The following CRYBG1 variants were observed in gnomAD, a reference collection of about 807,000 sequenced individuals.
CRYBG1 encodes the protein crystallin beta-gamma domain containing 1, also known as beta/gamma crystallin domain-containing protein 1.
CRYBG1 carries 139 observed loss-of-function variants against 189.2 expected under a neutral mutation model. The ratio of observed to expected loss-of-function variants is 0.73; its 90% confidence interval spans 0.64 to 0.85. CRYBG1 has a LOEUF of 0.85. Ranked by LOEUF, CRYBG1 falls within the 40% of genes least tolerant of loss-of-function variation. The probability of loss-of-function intolerance (pLI) is 0.00; values close to 1 mark genes in which losing one functional copy is unlikely to be tolerated. For synonymous variants in CRYBG1, 1,023 were observed against 1,017.1 expected, an observed-to-expected ratio of 1.01 and a Z score of -0.11; for missense variants, 2,611 against 2,675.8, an observed-to-expected ratio of 0.98 and a Z score of 0.53.
intron 11 of CRYBG1, 141 bp downstream of exon 11, chr6:106,543,738 C>A: frequency 1.0e-6 from 1 of 967,366 alleles, no homozygotes; most frequent in Non-Finnish European, 1.5e-6. Flanking sequence ...TCTCCTCAGC[C>A]TATAGTGACT....
chr6:106,496,536 G>A (rs1056514564), intron 2 of CRYBG1, among the ~76,000 whole-genome samples: 1 of 151,852 alleles, frequency 6.6e-6, no homozygotes, highest in African/African-American at 2.4e-5. Context: ...CTAGGTTTAA[G>A]AGCGTCATGA....
intron 2 of CRYBG1, among the ~76,000 whole-genome samples, chr6:106,475,906 C>T (rs1409918998): frequency 6.6e-6 from 1 of 152,056 alleles, no homozygotes; most frequent in Non-Finnish European, 1.5e-5. Context: ...CTTAAAACTC[C>T]GTCTAGTGGT....
rs1185798483 is a variant in CRYBG1 at position 106,551,920 on chromosome 6, G to GT, written c.5385dup (p.Glu1796Ter). ...ATACTGGATAAAGGATTTTATACCA[G>GT]TTTTGAGGACTGGGGAGGCAAAAAT... On this transcript the variant is annotated frameshift_variant, in exon 14 of 22. Coordinates refer to ENST00000633556, the MANE Select transcript of CRYBG1 (RefSeq NM_001371242.2). LOFTEE classifies it high-confidence loss of function. The GT allele has an allele frequency of 3.7e-6, 6 of 1,611,650 alleles. No individual in the cohort carries two copies. Among genetic ancestry groups the GT allele is most frequent in the Non-Finnish European group, 5.1e-6 (6 of 1,178,142 alleles).
chr6:106,482,586 T>A (rs188254582), intron 2 of CRYBG1, among the ~76,000 whole-genome samples: 5 of 152,002 alleles, frequency 3.3e-5, no homozygotes, highest in Admixed American at 1.3e-4. Context: ...CCATCCTGGC[T>A]AACACCGTGA....
At chr6:106,516,633 T>C (rs1391996218) in intron 3 of CRYBG1, among the ~76,000 whole-genome samples, 2 of 152,194 alleles carry the variant, frequency 1.3e-5, no homozygotes, top group African/African-American at 4.8e-5. Context: ...GCCTCTAAAG[T>C]CTATGTTATG....
intron 18 of CRYBG1, among the ~76,000 whole-genome samples, chr6:106,559,920 C>A (rs924334220): frequency 6.6e-6 from 1 of 151,964 alleles, no homozygotes; most frequent in East Asian, 1.9e-4. Context: ...CATGTTGAAA[C>A]CCTGTCTCTA....
At position 106,524,338 on chromosome 6, in the gene CRYBG1, G is replaced by A. The variant is rs140553163; in HGVS notation, c.4246-795G>A. 2.3e-3 allele frequency among the ~76,000 whole-genome samples: 352 copies of A among 152,094 alleles called. 1 individual carries two copies. The highest frequency in any genetic ancestry group is 7.6e-3 in the African/African-American group (317 of 41,506). ...AGCACTTTGGGAGGCTGAGGCAGGC[G>A]GATCACGAGGTCAAGAGATCGAGAC... On this transcript the variant is annotated intron_variant, in intron 4 of 21. Transcript: ENST00000633556.
At chr6:106,395,911 A>ACAAGCCC (rs1770597810) in intron 1 of CRYBG1, among the ~76,000 whole-genome samples, 3 of 152,324 alleles carry the variant, frequency 2.0e-5, no homozygotes, top group African/African-American at 7.2e-5. Context: ...TAGGCAAATG[A>ACAAGCCC]TAACACTTAG....
At chr6:106,522,405 C>T (rs867612716) in intron 4 of CRYBG1, among the ~76,000 whole-genome samples, 3 of 152,150 alleles carry the variant, frequency 2.0e-5, no homozygotes, top group South Asian at 2.1e-4. Flanking sequence ...TTCATTGGAT[C>T]TTTTCTTAAA....
At chr6:106,461,040 C>T (rs1340642277) in intron 2 of CRYBG1, among the ~76,000 whole-genome samples, 2 of 152,210 alleles carry the variant, frequency 1.3e-5, no homozygotes, top group Non-Finnish European at 2.9e-5. Flanking sequence ...CTGCCTCAGC[C>T]TCCCAAAGTG....
intron 17 of CRYBG1, among the ~76,000 whole-genome samples, chr6:106,556,440 G>A (rs905122854): frequency 3.3e-5 from 5 of 152,072 alleles, no homozygotes; most frequent in East Asian, 1.9e-4. Flanking sequence ...TCTACCTTTG[G>A]TTGTTATTAT....
At chr6:106,420,738 A>C (rs938277625) in intron 1 of CRYBG1, 1 of 153,108 alleles carries the variant, frequency 6.5e-6, no homozygotes, top group African/African-American at 2.4e-5. Context: ...TTTACAACTA[A>C]TTGATCACAA....
At chr6:106,553,997 T>G (rs1183566195) in intron 16 of CRYBG1, among the ~76,000 whole-genome samples, 2 of 152,090 alleles carry the variant, frequency 1.3e-5, no homozygotes, top group African/African-American at 4.8e-5. Flanking sequence ...GAGGGCTTTG[T>G]ACTGGGAGGA....
At chr6:106,406,699 C>T (rs1376890143) in intron 1 of CRYBG1, among the ~76,000 whole-genome samples, 1 of 152,194 alleles carries the variant, frequency 6.6e-6, no homozygotes. Context: ...TCTGCAGAAA[C>T]CCTATAAGCC....
chr6:106,501,073 A>C (rs1773000698), intron 2 of CRYBG1, among the ~76,000 whole-genome samples: 1 of 152,224 alleles, frequency 6.6e-6, no homozygotes, highest in Non-Finnish European at 1.5e-5. Context: ...AGCATTGATG[A>C]AGAGGTAGGG....
intron 13 of CRYBG1, among the ~76,000 whole-genome samples, chr6:106,545,682 T>C (rs1774252180): frequency 1.1e-5 from 1 of 91,884 alleles, no homozygotes. Context: ...TTTGTTCTCC[T>C]AACTCTTTTT....
At chr6:106,411,225 T>A (rs1451184994) in intron 1 of CRYBG1, among the ~76,000 whole-genome samples, 1 of 152,174 alleles carries the variant, frequency 6.6e-6, no homozygotes, top group Non-Finnish European at 1.5e-5. Context: ...CTGCTGGGTT[T>A]CTAGAGGAAA....
intron 8 of CRYBG1, among the ~76,000 whole-genome samples, chr6:106,537,890 T>C (rs577901956): frequency 6.6e-6 from 1 of 152,290 alleles, no homozygotes; most frequent in Non-Finnish European, 1.5e-5. Context: ...CTCTGTATAA[T>C]TAGAGAGTCT....
chr6:106,428,625 A>G (rs1404962529), intron 1 of CRYBG1, among the ~76,000 whole-genome samples: 1 of 152,220 alleles, frequency 6.6e-6, no homozygotes, highest in Non-Finnish European at 1.5e-5. Flanking sequence ...GAAGAATCTT[A>G]AAGTCAGAGA....
Sources: allele counts gnomAD v4.1 joint callset (sites outside exome capture counted in the v4.1 genomes callset), GRCh38; gene constraint gnomAD v4.1.1; transcripts MANE v1.5; gene names NCBI Gene and HGNC (gene_info 2026-07-23, HGNC 2026-07-21).